Variants in ELAVL2 observed in about 807,000 individuals in gnomAD.
ELAVL2 encodes ELAV-like protein 2.
In ELAVL2, 4 loss-of-function variants were observed where a neutral mutation model predicts 34.6. The ratio of observed to expected loss-of-function variants is 0.12; its 90% CI spans 0.06 to 0.26. ELAVL2 has a LOEUF of 0.26. ELAVL2 is among the 10% of genes least tolerant of loss of function. The pLI, the probability that ELAVL2 is intolerant of heterozygous loss-of-function variation, is 1.00. For missense variants in ELAVL2, 432 were observed against 442.8 expected, an observed-to-expected ratio of 0.98 and a Z score of 0.22; for synonymous variants, 193 against 154.8, an observed-to-expected ratio of 1.25 and a Z score of -1.83.
At chr9:23,750,445 G>A (rs528881005) in intron 2 of ELAVL2, among the ~76,000 whole-genome samples, 2 of 152,062 alleles carry the variant, frequency 1.3e-5, no homozygotes, top group South Asian at 2.1e-4. Context: ...GAATATAAAG[G>A]TCTAAAAACA....
the ELAVL2 span, among the ~76,000 whole-genome samples, chr9:23,833,253 A>AT: frequency 1.3e-5 from 2 of 151,830 alleles, no homozygotes; most frequent in Non-Finnish European, 2.9e-5. Context: ...GAATTCCAGC[A>AT]TTTTAGGCAG....
intron 1 of ELAVL2, among the ~76,000 whole-genome samples, chr9:23,769,709 C>T (rs1043113529): frequency 1.3e-5 from 2 of 152,200 alleles, no homozygotes; most frequent in African/African-American, 4.8e-5. Context: ...GGGCTAACAA[C>T]GGCCCAAGAA....
At chr9:23,778,911 T>C (rs768518177) in intron 1 of ELAVL2, among the ~76,000 whole-genome samples, 2 of 152,164 alleles carry the variant, frequency 1.3e-5, no homozygotes, top group African/African-American at 2.4e-5. Flanking sequence ...GATTAGAAAG[T>C]CATCCTGTCC....
rs1356899367 is a variant in ELAVL2 at position 23,702,957 on chromosome 9, A to C, written c.488-1353T>G. Among the ~76,000 whole-genome samples, 48 of 66,812 alleles carry C rather than the reference A, an allele frequency of 7.2e-4. 1 individual carries two copies. The highest frequency in any genetic ancestry group is 5.7e-3 in the African/African-American group (47 of 8,256). The allele number at this position is 66,812 out of a possible 152,430, so 43.8% of individuals were successfully genotyped here. A position where few individuals can be genotyped will look rare whatever the true frequency, so the allele number is the denominator to read the frequency against. On this transcript the variant is annotated intron_variant, in intron 4 of 6. Coordinates refer to ENST00000397312, the MANE Select transcript of ELAVL2 (RefSeq NM_004432.5). ...TAGAAAAGCATCAGATTAGCAAAAA[A>C]AAAAAAAAAAAAAAAAAAAAAAAAC...
intron 3 of ELAVL2, 33 bp from the exon 4 acceptor site, chr9:23,705,104 C>T (rs568494492): frequency 6.2e-7 from 1 of 1,611,524 alleles, no homozygotes; most frequent in African/African-American, 1.3e-5. Flanking sequence ...AATGTATATG[C>T]ATGCTCACTC....
At chr9:23,710,175 C>G (rs1042500734) in intron 3 of ELAVL2, among the ~76,000 whole-genome samples, 1 of 152,112 alleles carries the variant, frequency 6.6e-6, no homozygotes, top group Non-Finnish European at 1.5e-5. Context: ...TAGTGTATTA[C>G]TTGTAATTAA....
intron 1 of ELAVL2, among the ~76,000 whole-genome samples, chr9:23,764,836 A>G (rs1420663034): frequency 6.6e-6 from 1 of 152,160 alleles, no homozygotes; most frequent in Non-Finnish European, 1.5e-5. Flanking sequence ...ATACACCACT[A>G]CAGTTAAAAT....
chr9:23,758,320 G>C (rs1228856299), intron 2 of ELAVL2, among the ~76,000 whole-genome samples: 1 of 151,888 alleles, frequency 6.6e-6, no homozygotes, highest in Non-Finnish European at 1.5e-5. Flanking sequence ...CAACCACTCA[G>C]AACCCAGATT....
At chr9:23,726,527 CCTT>C (rs763590597) in intron 3 of ELAVL2, among the ~76,000 whole-genome samples, 2 of 151,946 alleles carry the variant, frequency 1.3e-5, no homozygotes, top group African/African-American at 2.4e-5. Context: ...GATAACAGCT[CCTT>C]CTTTCCAGAT....
chr9:23,777,720 G>C (rs2058445521), intron 1 of ELAVL2, among the ~76,000 whole-genome samples: 1 of 152,148 alleles, frequency 6.6e-6, no homozygotes, highest in African/African-American at 2.4e-5. Context: ...GACCAAATTT[G>C]CCTGCCATCA....
At chr9:23,764,436 A>C (rs2055767122) in intron 1 of ELAVL2, among the ~76,000 whole-genome samples, 3 of 152,176 alleles carry the variant, frequency 2.0e-5, no homozygotes, top group Admixed American at 1.3e-4. Context: ...GCTGAAAATT[A>C]CAGCATCTCT....
At chr9:23,751,623 T>C (rs2052065051) in intron 2 of ELAVL2, among the ~76,000 whole-genome samples, 1 of 152,158 alleles carries the variant, frequency 6.6e-6, no homozygotes, top group Non-Finnish European at 1.5e-5. Context: ...TTACGTTTTA[T>C]ATTAAACGGA....
intron 1 of ELAVL2, among the ~76,000 whole-genome samples, chr9:23,766,527 A>G (rs1343167339): frequency 6.6e-6 from 1 of 151,180 alleles, no homozygotes; most frequent in Non-Finnish European, 1.5e-5. Context: ...CTTCTATTTC[A>G]TAGGAGGTGG....
intron 1 of ELAVL2, among the ~76,000 whole-genome samples, chr9:23,774,625 C>A (rs1238095828): frequency 6.6e-6 from 1 of 151,994 alleles, no homozygotes; most frequent in Non-Finnish European, 1.5e-5. Flanking sequence ...TTTAATTTAC[C>A]TTATTTTTAA....
the ELAVL2 span, among the ~76,000 whole-genome samples, chr9:23,833,193 G>T: frequency 4.6e-5 from 7 of 151,514 alleles, no homozygotes; most frequent in Non-Finnish European, 8.9e-5. Flanking sequence ...AAGTTATATT[G>T]GTTTAAATAA....
intron 1 of ELAVL2, among the ~76,000 whole-genome samples, chr9:23,803,902 G>A (rs1359254693): frequency 2.0e-5 from 3 of 152,072 alleles, no homozygotes; most frequent in Non-Finnish European, 4.4e-5. Flanking sequence ...ACCAGACTTG[G>A]AGAACTTGAG....
chr9:23,814,422 AGACGCATCCCAAAGAGGGGAG>A (rs2063432166), intron 1 of ELAVL2, among the ~76,000 whole-genome samples: 1 of 152,200 alleles, frequency 6.6e-6, no homozygotes, highest in Admixed American at 6.5e-5. Flanking sequence ...GGGCAAGTAC[AGACGCATCCCAAAGAGGGGAG>A]GAAGGCTGTG....
At chr9:23,786,787 A>C (rs1400056312) in intron 1 of ELAVL2, among the ~76,000 whole-genome samples, 5 of 141,202 alleles carry the variant, frequency 3.5e-5, no homozygotes, top group Non-Finnish European at 4.5e-5. Context: ...GTGGCAAAAA[A>C]AAAAAAAAAA....
intron 1 of ELAVL2, among the ~76,000 whole-genome samples, chr9:23,802,809 T>C (rs1231234984): frequency 6.6e-6 from 1 of 152,212 alleles, no homozygotes; most frequent in African/African-American, 2.4e-5. Flanking sequence ...GTTAAAGAAA[T>C]GTAAAATGTA....
Sources: allele counts gnomAD v4.1 joint callset (sites outside exome capture counted in the v4.1 genomes callset), GRCh38; gene constraint gnomAD v4.1.1; transcripts MANE v1.5; gene names NCBI Gene and HGNC (gene_info 2026-07-23, HGNC 2026-07-21).